KCNQ1: variants seen among roughly 807,000 people sequenced by gnomAD.
The protein encoded by KCNQ1 is potassium voltage-gated channel subfamily Q member 1, also known as potassium voltage-gated channel subfamily KQT member 1.
KCNQ1 carries 49 observed loss-of-function variants against 72.4 expected under a neutral mutation model. That is an observed-to-expected ratio of 0.68 (90% CI 0.54 to 0.86). The LOEUF is 0.86. Ranked by LOEUF, KCNQ1 falls within the 40% of genes least tolerant of loss-of-function variation. KCNQ1 has a pLI of 0.00. For missense variants in KCNQ1, 790 were observed against 945.1 expected, an observed-to-expected ratio of 0.84 and a Z score of 2.15; for synonymous variants, 450 against 412.6, an observed-to-expected ratio of 1.09 and a Z score of -1.10.
intron 11 of KCNQ1, among the ~76,000 whole-genome samples, chr11:2,701,169 T>C (rs1360839010): frequency 2.0e-5 from 3 of 152,204 alleles, no homozygotes; most frequent in African/African-American, 4.8e-5. Flanking sequence ...GCCGAAAATA[T>C]ACGTCTACGG....
chr11:2,708,553 C>T (rs980651767), intron 11 of KCNQ1, among the ~76,000 whole-genome samples: 1 of 152,090 alleles, frequency 6.6e-6, no homozygotes, highest in African/African-American at 2.4e-5. Flanking sequence ...AGGGTCGGTG[C>T]GGAGACCCCT....
At chr11:2,812,775 G>A (rs1847519600) in intron 15 of KCNQ1, among the ~76,000 whole-genome samples, 1 of 152,176 alleles carries the variant, frequency 6.6e-6, no homozygotes, top group South Asian at 2.1e-4. Context: ...ACGCCCCCGG[G>A]GCCCCATGCC....
chr11:2,697,600 A>G (rs1850699904), intron 11 of KCNQ1: 1 of 398,448 alleles, frequency 2.5e-6, no homozygotes, highest in Non-Finnish European at 4.4e-6. Context: ...ACTTTATCAC[A>G]TCATTTTTTT....
chr11:2,574,814 T>G (rs1219901621), intron 6 of KCNQ1, among the ~76,000 whole-genome samples: 1 of 152,170 alleles, frequency 6.6e-6, no homozygotes, highest in Non-Finnish European at 1.5e-5. Context: ...AGCTCCTGGG[T>G]TGGGGCAGGC....
At chr11:2,610,280 A>T (rs1010936282) in intron 10 of KCNQ1, 1 of 397,992 alleles carries the variant, frequency 2.5e-6, no homozygotes, top group Non-Finnish European at 4.4e-6. Flanking sequence ...GTATGAGTTT[A>T]TTCAGTTTTA....
In KCNQ1 at chr11:2,482,707, G is replaced by C. The variant is rs910511311; in HGVS notation, c.386+37223G>C. 6.6e-6 allele frequency among the ~76,000 whole-genome samples: 1 copy of C among 152,022 alleles called. No individual in the cohort carries two copies. Among genetic ancestry groups the C allele is most frequent in the Non-Finnish European group, 1.5e-5 (1 of 68,022 alleles). ...ATTATCATAAAAACACTGCCATTAT[G>C]ATGAAGCAAAAATAGAATATCCTTC... On this transcript the variant is annotated intron_variant, in intron 1 of 15. Coordinates refer to ENST00000155840, the MANE Select transcript of KCNQ1 (RefSeq NM_000218.3). This position sits in a 1 kb window ranked among gnomAD's most constrained non-coding sequence, Gnocchi z 5.7.
chr11:2,825,501 GC>G (rs1427702183), intron 15 of KCNQ1, among the ~76,000 whole-genome samples: 1 of 152,226 alleles, frequency 6.6e-6, no homozygotes, highest in African/African-American at 2.4e-5. Flanking sequence ...AGCCCTTGCT[GC>G]CAGGGGCCCC....
In KCNQ1 at chr11:2,471,148, G is replaced by A. The variant is rs1055497802; in HGVS notation, c.386+25664G>A. ...ACTCATCTCATCGATATCTCCCAACGGCTGGGGAACAAGGGCTGACTCGGC... is the reference window on the plus strand; with the variant it reads ...ACTCATCTCATCGATATCTCCCAACAGCTGGGGAACAAGGGCTGACTCGGC... On this transcript the variant is annotated intron_variant, in intron 1 of 15. Coordinates refer to ENST00000155840, the MANE Select transcript of KCNQ1 (RefSeq NM_000218.3). The surrounding 1 kb of genome is among the most constrained non-coding windows in gnomAD (Gnocchi z 4.8). 1.3e-5 allele frequency among the ~76,000 whole-genome samples: 2 copies of A among 151,722 alleles called. No individual in the cohort carries two copies. The highest frequency in any genetic ancestry group is 2.9e-5 in the Non-Finnish European group (2 of 67,962).
At chr11:2,589,214 G>T (rs2133761624) in intron 10 of KCNQ1, among the ~76,000 whole-genome samples, 1 of 152,310 alleles carries the variant, frequency 6.6e-6, no homozygotes, top group Non-Finnish European at 1.5e-5. Context: ...GGTGACCTCT[G>T]GGCCTACTGG....
Position 2,527,976 on chromosome 11 carries a change from C to A in KCNQ1, c.435C>A (p.Ile145=). The part of the protein sequence containing the change: ...VCLIFSVLST[I]EQYAALATGT... ...TCATCTTCAGCGTGCTGTCCACCAT[C>A]GAGCAGTATGCCGCCCTGGCCACGG... is the stretch of plus-strand genomic sequence containing the variant. The change falls in exon 2 of 16, where the codon ATC becomes ATA. Residue 145 remains isoleucine (I), a synonymous_variant. Transcript: ENST00000155840. The A allele has an allele frequency of 6.2e-7, 1 of 1,614,104 alleles. No individual in the cohort carries two copies.
intron 15 of KCNQ1, among the ~76,000 whole-genome samples, chr11:2,789,509 A>G (rs1846977391): frequency 6.6e-6 from 1 of 152,230 alleles, no homozygotes; most frequent in South Asian, 2.1e-4. Flanking sequence ...GCCGGCAGTC[A>G]TTGCTCGGGA....
Position 2,651,328 on chromosome 11 carries a change from T to A in KCNQ1, c.1394-10633T>A, listed in dbSNP as rs144996479. On this transcript the variant is annotated intron_variant, in intron 10 of 15. Coordinates refer to ENST00000155840, the MANE Select transcript of KCNQ1 (RefSeq NM_000218.3). The surrounding 1 kb of genome is among the most constrained non-coding windows in gnomAD (Gnocchi z 6.1). ...AGCTGCACAGAACACTCCTCAGAGT[T>A]CTACAAGCGGCTGAGAGAGCTGGGG... 724 of 398,716 alleles carry A rather than the reference T, an allele frequency of 1.8e-3. 10 individuals are homozygous for A. The highest frequency in any genetic ancestry group is 0.014 in the African/African-American group (666 of 48,766). The allele number at this position is 398,716 out of a possible 1,614,324, so 24.7% of individuals were successfully genotyped here.
In KCNQ1 at chr11:2,458,092, T is replaced by C. The variant is rs1351914299; in HGVS notation, c.386+12608T>C. 6.6e-6 allele frequency among the ~76,000 whole-genome samples: 1 copy of C among 152,082 alleles called. No individual in the cohort carries two copies. The highest frequency in any genetic ancestry group is 1.5e-5 in the Non-Finnish European group (1 of 68,018). On this transcript the variant is annotated intron_variant, in intron 1 of 15. Transcript: ENST00000155840. This position sits in a 1 kb window ranked among gnomAD's most constrained non-coding sequence, Gnocchi z 4.6. ...GTGCAAGCTAAGCCTGGAGTATTCA[T>C]CACAGCAGAAGGCAGGGAAGTTATC...
At chr11:2,728,277 T>C (rs1437769731) in intron 11 of KCNQ1, among the ~76,000 whole-genome samples, 3 of 152,176 alleles carry the variant, frequency 2.0e-5, no homozygotes, top group Non-Finnish European at 2.9e-5. Flanking sequence ...CCTCGTAGGG[T>C]AAGTCCGACC....
Position 2,599,194 on chromosome 11 carries a change from C to T in KCNQ1, c.1393+10340C>T, listed in dbSNP as rs1489842506. ...TTTTTCCTGATGTTCATATAATATTCAATGAAATAAAATACATGTGACATA... is the reference window on the plus strand; with the variant it reads ...TTTTTCCTGATGTTCATATAATATTTAATGAAATAAAATACATGTGACATA... On this transcript the variant is annotated intron_variant, in intron 10 of 15. Transcript: ENST00000155840. This position sits in a 1 kb window ranked among gnomAD's most constrained non-coding sequence, Gnocchi z 4.7. 6.6e-6 allele frequency among the ~76,000 whole-genome samples: 1 copy of T among 152,082 alleles called. No individual in the cohort carries two copies. Among genetic ancestry groups the T allele is most frequent in the Non-Finnish European group, 1.5e-5 (1 of 68,016 alleles).
rs1848716322 is a variant in KCNQ1 at position 2,595,056 on chromosome 11, G to A, written c.1393+6202G>A. Among the ~76,000 whole-genome samples, 1 of 152,108 alleles carries A rather than the reference G, an allele frequency of 6.6e-6. No homozygotes were observed. Among genetic ancestry groups the A allele is most frequent in the Non-Finnish European group, 1.5e-5 (1 of 68,022 alleles). Reference sequence around the variant, plus strand: ...AGGGTGACCCAGTGAACCAATCCAGGACCTTCATGATCCATGTTTTAGATA... The same window carrying A: ...AGGGTGACCCAGTGAACCAATCCAGAACCTTCATGATCCATGTTTTAGATA... On this transcript the variant is annotated intron_variant, in intron 10 of 15. Transcript: ENST00000155840. This position sits in a 1 kb window ranked among gnomAD's most constrained non-coding sequence, Gnocchi z 5.0.
intron 1 of KCNQ1, among the ~76,000 whole-genome samples, chr11:2,448,931 C>T (rs1042058445): frequency 6.6e-6 from 1 of 152,238 alleles, no homozygotes. Flanking sequence ...TGGCCGTCAG[C>T]TGGGGAGGGG....
In KCNQ1 at chr11:2,752,345, G is replaced by A. The variant is rs575851324; in HGVS notation, c.1515-16499G>A. 1.0e-3 allele frequency among the ~76,000 whole-genome samples: 152 copies of A among 152,058 alleles called. 1 individual carries two copies. The highest frequency in any genetic ancestry group is 2.8e-3 in the African/African-American group (118 of 41,470). ...TGAGTGGCTTCCATGAAGCTGATCCGGACTAAGCTAAACTGAGTTTCATTG... is the reference window on the plus strand; with the variant it reads ...TGAGTGGCTTCCATGAAGCTGATCCAGACTAAGCTAAACTGAGTTTCATTG... On this transcript the variant is annotated intron_variant, in intron 11 of 15. Coordinates refer to ENST00000155840, the MANE Select transcript of KCNQ1 (RefSeq NM_000218.3). This position sits in a 1 kb window ranked among gnomAD's most constrained non-coding sequence, Gnocchi z 5.2.
At position 2,815,656 on chromosome 11, in the gene KCNQ1, C is replaced by T. The variant is rs1847598222; in HGVS notation, c.1795-32111C>T. Reference sequence around the variant, plus strand: ...GGGGCAGGCACCATCGCCCCCAGCCCCAGGCTGACCCCAGTCCCTCCCTAT... The same window carrying T: ...GGGGCAGGCACCATCGCCCCCAGCCTCAGGCTGACCCCAGTCCCTCCCTAT... On this transcript the variant is annotated intron_variant, in intron 15 of 15. Coordinates refer to ENST00000155840, the MANE Select transcript of KCNQ1 (RefSeq NM_000218.3). The surrounding 1 kb of genome is among the most constrained non-coding windows in gnomAD (Gnocchi z 5.4). 1.3e-5 allele frequency among the ~76,000 whole-genome samples: 2 copies of T among 151,992 alleles called. No individual in the cohort carries two copies. The highest frequency in any genetic ancestry group is 4.8e-5 in the African/African-American group (2 of 41,374).
Sources: allele counts gnomAD v4.1 joint callset (sites outside exome capture counted in the v4.1 genomes callset), GRCh38; gene constraint gnomAD v4.1.1; non-coding constraint Gnocchi (gnomAD v3.1); transcripts MANE v1.5; gene names NCBI Gene and HGNC (gene_info 2026-07-23, HGNC 2026-07-21).